Variants in MTCL2 observed in about 807,000 individuals in gnomAD.
MTCL2 encodes the protein microtubule cross-linking factor 2.
the MTCL2 span, chr20:36,796,889 A>G: frequency 6.2e-7 from 1 of 1,613,896 alleles, no homozygotes; most frequent in Non-Finnish European, 8.5e-7. Context: ...CACCTCTTTA[A>G]ACCATTTCCT....
At chr20:36,816,417 A>C in the MTCL2 span, 4 of 909,784 alleles carry the variant, frequency 4.4e-6, no homozygotes, top group South Asian at 6.7e-5. Flanking sequence ...GATGAATCAG[A>C]CACAGCCAGA....
At chr20:36,824,890 G>C in the MTCL2 span, among the ~76,000 whole-genome samples, 1 of 151,656 alleles carries the variant, frequency 6.6e-6, no homozygotes, top group Non-Finnish European at 1.5e-5. Flanking sequence ...CTGGGCTCAA[G>C]CAATCCTGCT....
the MTCL2 span, among the ~76,000 whole-genome samples, chr20:36,836,429 C>T: frequency 1.4e-4 from 20 of 147,580 alleles, 1 homozygote; most frequent in Admixed American, 1.3e-3. Context: ...ACTGCAACCT[C>T]GGCCTCCCAG....
the MTCL2 span, chr20:36,862,752 G>T: frequency 6.8e-7 from 1 of 1,467,480 alleles, no homozygotes; most frequent in Non-Finnish European, 9.0e-7. Flanking sequence ...GTCGGAGAAG[G>T]CAAGCGAGGC....
chr20:36,820,637 TTTGA>T, the MTCL2 span, among the ~76,000 whole-genome samples: 2 of 150,690 alleles, frequency 1.3e-5, no homozygotes, highest in Non-Finnish European at 1.5e-5. Context: ...AGGCCAGGAG[TTTGA>T]GACCAGCCTG....
the MTCL2 span, among the ~76,000 whole-genome samples, chr20:36,821,125 G>C: frequency 6.6e-6 from 1 of 152,238 alleles, no homozygotes. Context: ...AACGTAACCA[G>C]AGCACTGCAG....
the MTCL2 span, among the ~76,000 whole-genome samples, chr20:36,827,752 C>T: frequency 6.6e-6 from 1 of 152,274 alleles, no homozygotes; most frequent in East Asian, 1.9e-4. Context: ...TGAACTCAGG[C>T]AAGCTGTTCC....
chr20:36,795,150 G>C, the MTCL2 span, among the ~76,000 whole-genome samples: 1 of 152,092 alleles, frequency 6.6e-6, no homozygotes, highest in East Asian at 1.9e-4. Flanking sequence ...TGTTGGCCAG[G>C]CTGGTCTGGA....
chr20:36,830,889 T>G, the MTCL2 span, among the ~76,000 whole-genome samples: 1 of 152,314 alleles, frequency 6.6e-6, no homozygotes, highest in South Asian at 2.1e-4. Flanking sequence ...GAGAAGGGCA[T>G]GATCGCTGGA....
chr20:36,815,979 C>A, the MTCL2 span: 1 of 1,613,606 alleles, frequency 6.2e-7, no homozygotes, highest in Non-Finnish European at 8.5e-7. This position sits in a 1 kb window ranked among gnomAD's most constrained non-coding sequence, Gnocchi z 5.3. Flanking sequence ...AGGACCCCCA[C>A]AGCCACCTCC....
At chr20:36,856,673 C>T in the MTCL2 span, among the ~76,000 whole-genome samples, 3 of 152,388 alleles carry the variant, frequency 2.0e-5, no homozygotes, top group Admixed American at 2.0e-4. Flanking sequence ...CCCCCAGCTC[C>T]AGAAGGTTAC....
At chr20:36,805,520 C>T in the MTCL2 span, among the ~76,000 whole-genome samples, 1 of 152,160 alleles carries the variant, frequency 6.6e-6, no homozygotes, top group Non-Finnish European at 1.5e-5. Flanking sequence ...TACCAGAACA[C>T]CTTGCCACAC....
the MTCL2 span, among the ~76,000 whole-genome samples, chr20:36,798,228 G>A: frequency 6.6e-6 from 1 of 152,014 alleles, no homozygotes; most frequent in South Asian, 2.1e-4. Flanking sequence ...GAGCCACCTC[G>A]CCTGGCTAAT....
the MTCL2 span, among the ~76,000 whole-genome samples, chr20:36,799,494 A>AAAATAAATAAATAAATAAAT: frequency 6.8e-6 from 1 of 147,118 alleles, no homozygotes; most frequent in Non-Finnish European, 1.5e-5. Context: ...CTCCATCTCA[A>AAAATAAATAAATAAATAAAT]AAATAAATAA....
At chr20:36,835,852 CCCGCCG>C in the MTCL2 span, among the ~76,000 whole-genome samples, 2 of 152,212 alleles carry the variant, frequency 1.3e-5, no homozygotes, top group African/African-American at 4.8e-5. Flanking sequence ...CACCCGCCTC[CCCGCCG>C]CCGCCGCCGC....
the MTCL2 span, chr20:36,805,734 G>T: frequency 1.2e-6 from 1 of 851,202 alleles, no homozygotes; most frequent in Non-Finnish European, 1.8e-6. Flanking sequence ...GGATGACCAG[G>T]CAATAACTTG....
At chr20:36,846,809 C>T in the MTCL2 span, among the ~76,000 whole-genome samples, 1 of 152,236 alleles carries the variant, frequency 6.6e-6, no homozygotes, top group African/African-American at 2.4e-5. Flanking sequence ...GAGTTTGAGA[C>T]TTGCCTGACC....
At chr20:36,842,678 A>G in the MTCL2 span, among the ~76,000 whole-genome samples, 1 of 152,254 alleles carries the variant, frequency 6.6e-6, no homozygotes. Context: ...AGGCTGAAGC[A>G]GGAGAATCAT....
chr20:36,800,126 A>C, the MTCL2 span, among the ~76,000 whole-genome samples: 1 of 152,224 alleles, frequency 6.6e-6, no homozygotes, highest in Non-Finnish European at 1.5e-5. Context: ...TGTCAGAGAC[A>C]CAAGAGGCTG....
Sources: allele counts gnomAD v4.1 joint callset (sites outside exome capture counted in the v4.1 genomes callset), GRCh38; gene constraint gnomAD v4.1.1; non-coding constraint Gnocchi (gnomAD v3.1); transcripts MANE v1.5; gene names NCBI Gene and HGNC (gene_info 2026-07-23, HGNC 2026-07-21).